Variants in MATN2 observed in about 807,000 individuals in gnomAD.
The protein encoded by MATN2 is matrilin 2.
A neutral mutation model predicts 103.2 loss-of-function variants in MATN2; 69 were observed. The ratio of observed to expected loss-of-function variants is 0.67; its 90% CI spans 0.55 to 0.82. The LOEUF (loss-of-function observed/expected upper bound fraction) is 0.82, where lower values mean the gene tolerates loss of function less well. Ranked by LOEUF, MATN2 falls within the 40% of genes least tolerant of loss-of-function variation. The probability of loss-of-function intolerance (pLI) is 0.00; values close to 1 mark genes in which losing one functional copy is unlikely to be tolerated. For synonymous variants in MATN2, 429 were observed against 450.2 expected (o/e 0.95, Z 0.60); for missense variants, 1,023 against 1,211.5 (o/e 0.84, Z 2.31).
intron 12 of MATN2, 150 bp downstream of exon 12, chr8:98,018,266 C>T: frequency 2.0e-6 from 2 of 1,015,072 alleles, no homozygotes; most frequent in Non-Finnish European, 2.9e-6. Flanking sequence ...AGCTAGAGAT[C>T]AGTTCAGTAG....
intron 1 of MATN2, among the ~76,000 whole-genome samples, chr8:97,882,986 C>T (rs989565929): frequency 1.3e-5 from 2 of 151,950 alleles, no homozygotes; most frequent in Non-Finnish European, 2.9e-5. Context: ...TGGGTTTATC[C>T]TCTTCTAATT....
intron 1 of MATN2, among the ~76,000 whole-genome samples, chr8:97,873,277 T>G (rs1211266784): frequency 2.0e-5 from 3 of 152,102 alleles, no homozygotes; most frequent in Admixed American, 6.5e-5. Flanking sequence ...ATCAAAGAGT[T>G]TTAGCTCACT....
At chr8:97,968,961 A>G (rs953805460) in intron 5 of MATN2, among the ~76,000 whole-genome samples, 49 of 152,370 alleles carry the variant, frequency 3.2e-4, no homozygotes, top group African/African-American at 1.2e-3. Context: ...TTTGAAAAAG[A>G]AAGAGTTTAA....
intron 6 of MATN2, among the ~76,000 whole-genome samples, chr8:97,985,678 A>C (rs988502456): frequency 1.3e-5 from 2 of 152,222 alleles, no homozygotes; most frequent in African/African-American, 4.8e-5. Flanking sequence ...TAGAAGTGAA[A>C]TTCTATGAAA....
chr8:98,019,542 A>G (rs1813503896), intron 12 of MATN2, among the ~76,000 whole-genome samples: 1 of 152,230 alleles, frequency 6.6e-6, no homozygotes, highest in Admixed American at 6.5e-5. Context: ...AGCTCACAGC[A>G]TCATTTAGAC....
intron 14 of MATN2, among the ~76,000 whole-genome samples, chr8:98,028,338 G>A (rs947636963): frequency 6.6e-6 from 1 of 152,142 alleles, no homozygotes; most frequent in Non-Finnish European, 1.5e-5. Flanking sequence ...TAGCTTTTCC[G>A]AAAATCAAAT....
intron 2 of MATN2, among the ~76,000 whole-genome samples, chr8:97,905,724 G>A (rs754803510): frequency 1.3e-5 from 2 of 152,098 alleles, no homozygotes; most frequent in African/African-American, 2.4e-5. Context: ...GAGCAGTGGC[G>A]TGATCCGGGC....
chr8:97,917,791 G>A (rs1177889177), intron 2 of MATN2, among the ~76,000 whole-genome samples: 2 of 152,094 alleles, frequency 1.3e-5, no homozygotes, highest in East Asian at 1.9e-4. Flanking sequence ...TTATTCAGAA[G>A]TAGAATCTCT....
At chr8:97,954,193 G>A (rs1316395649) in intron 4 of MATN2, among the ~76,000 whole-genome samples, 3 of 152,204 alleles carry the variant, frequency 2.0e-5, no homozygotes, top group South Asian at 2.1e-4. Flanking sequence ...CTGAGGAGAC[G>A]TAACTGACAT....
chr8:97,874,408 T>TCTTC (rs67034417), intron 1 of MATN2, among the ~76,000 whole-genome samples: 10 of 142,232 alleles, frequency 7.0e-5, no homozygotes, highest in East Asian at 2.0e-4. Context: ...TTCTTCTTCT[T>TCTTC]TTTTTTTTTT....
intron 7 of MATN2, 93 bp from the exon 8 acceptor site, chr8:98,003,568 T>G (rs541134060): frequency 6.8e-7 from 1 of 1,473,176 alleles, no homozygotes; most frequent in South Asian, 1.2e-5. Flanking sequence ...CCACCAGCCC[T>G]CTCCATGGGG....
intron 2 of MATN2, among the ~76,000 whole-genome samples, chr8:97,894,323 CTTT>C (rs58988866): frequency 1.7e-5 from 1 of 59,228 alleles, no homozygotes. Context: ...AAGAATTCAC[CTTT>C]TTTTTTTTTT....
intron 2 of MATN2, among the ~76,000 whole-genome samples, chr8:97,909,908 T>C (rs543617219): frequency 7.6e-4 from 114 of 150,402 alleles, no homozygotes; most frequent in African/African-American, 2.5e-3. Context: ...CTCAGCCTCC[T>C]GAGTAGCTGG....
At chr8:97,875,687 C>T (rs1818042892) in intron 1 of MATN2, among the ~76,000 whole-genome samples, 2 of 124,778 alleles carry the variant, frequency 1.6e-5, no homozygotes, top group South Asian at 5.0e-4. Context: ...AGAGTATTTG[C>T]CTGTTTTTTT....
intron 13 of MATN2, among the ~76,000 whole-genome samples, chr8:98,023,131 CG>C (rs1813663440): frequency 1.3e-5 from 2 of 151,818 alleles, no homozygotes; most frequent in Admixed American, 1.3e-4. Context: ...AAAAATTAGC[CG>C]GGTGTGGTGG....
intron 2 of MATN2, among the ~76,000 whole-genome samples, chr8:97,929,166 C>T (rs910607430): frequency 6.6e-6 from 1 of 152,170 alleles, no homozygotes; most frequent in African/African-American, 2.4e-5. Flanking sequence ...AATCATTAGA[C>T]TTGTGAGGCG....
chr8:97,880,275 TGG>T (rs1818211065), intron 1 of MATN2, among the ~76,000 whole-genome samples: 3 of 151,784 alleles, frequency 2.0e-5, no homozygotes, highest in Non-Finnish European at 2.9e-5. Flanking sequence ...GTAGAGATGG[TGG>T]AACAGGAATT....
intron 12 of MATN2, among the ~76,000 whole-genome samples, chr8:98,019,883 G>T (rs1011024056): frequency 5.9e-5 from 9 of 152,324 alleles, no homozygotes; most frequent in Non-Finnish European, 1.3e-4. Context: ...AGATAACTGG[G>T]GATATTCCAC....
At position 97,931,729 on chromosome 8, in the gene MATN2, G is replaced by T. The variant is rs75739983; in HGVS notation, c.712+207G>T. On this transcript the variant is annotated intron_variant, in intron 3 of 18. Coordinates refer to ENST00000254898, the MANE Select transcript of MATN2 (RefSeq NM_002380.5). The surrounding 1 kb of genome is among the most constrained non-coding windows in gnomAD (Gnocchi z 4.1). ...TATTTATTTATCTTTTAGAGACAGG[G>T]TCATGCTCTGTCACCCAGGCTGTAG... Among the ~76,000 whole-genome samples the T allele has an allele frequency of 5.8e-3, 888 of 152,262 alleles. 5 individuals are homozygous for T. Among genetic ancestry groups the T allele is most frequent in the Non-Finnish European group, 0.01 (705 of 68,022 alleles).
Sources: gnomAD v4.1 joint callset for allele counts (sites outside exome capture counted in the v4.1 genomes callset) on GRCh38, gnomAD v4.1.1 for gene constraint, Gnocchi (gnomAD v3.1) non-coding constraint, MANE v1.5 for transcripts, NCBI Gene and HGNC (gene_info 2026-07-23, HGNC 2026-07-21) for gene names.